The following SH3RF1 variants were observed in gnomAD, a reference collection of about 807,000 sequenced individuals.
SH3RF1 encodes the protein SH3 domain containing ring finger 1, also known as E3 ubiquitin-protein ligase SH3RF1.
A neutral mutation model predicts 74.0 loss-of-function variants in SH3RF1; 32 were observed. That is an observed-to-expected ratio of 0.43 (90% CI 0.33 to 0.58). The LOEUF is 0.58. Among genes scored for constraint, SH3RF1 ranks in the 20% least tolerant of loss-of-function variants. The pLI is 0.05. For missense variants in SH3RF1, 954 were observed against 1,130.9 expected (o/e 0.84, Z 2.24); for synonymous variants, 396 against 439.6 (o/e 0.90, Z 1.24).
chr4:169,266,887 A>T (rs1406068732), intron 2 of SH3RF1, among the ~76,000 whole-genome samples: 1 of 152,178 alleles, frequency 6.6e-6, no homozygotes, highest in African/African-American at 2.4e-5. Flanking sequence ...TTTGTCCTCC[A>T]TCCTCCCCCA....
Position 169,143,643 on chromosome 4 carries a change from A to G in SH3RF1, c.766-7023T>C, listed in dbSNP as rs540889368. Among the ~76,000 whole-genome samples the G allele has an allele frequency of 1.7e-3, 255 of 152,238 alleles. 2 individuals carry two copies. The highest frequency in any genetic ancestry group is 5.9e-3 in the African/African-American group (245 of 41,532). ...GAAGCAGTGCACTGGCAGCAACTAC[A>G]AGGGTTACTCATTTAAGCAGTAGGA... On this transcript the variant is annotated intron_variant, in intron 4 of 11. Coordinates refer to ENST00000284637, the MANE Select transcript of SH3RF1 (RefSeq NM_020870.4).
intron 11 of SH3RF1, among the ~76,000 whole-genome samples, chr4:169,097,616 C>T (rs1415005458): frequency 6.6e-6 from 1 of 152,064 alleles, no homozygotes; most frequent in African/African-American, 2.4e-5. Context: ...TCTATTTTTC[C>T]AGCATTATTT....
chr4:169,263,814 A>G (rs545103877), intron 2 of SH3RF1, among the ~76,000 whole-genome samples: 1 of 152,296 alleles, frequency 6.6e-6, no homozygotes, highest in Admixed American at 6.5e-5. Flanking sequence ...TCCCCTCTCA[A>G]TATTTCCTTC....
chr4:169,101,674 C>CAAAA (rs3070770), intron 11 of SH3RF1, among the ~76,000 whole-genome samples: 1 of 85,766 alleles, frequency 1.2e-5, no homozygotes, highest in Non-Finnish European at 2.6e-5. Flanking sequence ...AAAAAAAAGG[C>CAAAA]AAAAAAAAAA....
chr4:169,232,000 C>T (rs927640043), intron 2 of SH3RF1, among the ~76,000 whole-genome samples: 11 of 152,190 alleles, frequency 7.2e-5, no homozygotes, highest in South Asian at 2.1e-4. Flanking sequence ...GAAGACCTTA[C>T]GGCCTCCACT....
chr4:169,192,874 CATAT>C (rs1172143488), intron 2 of SH3RF1, among the ~76,000 whole-genome samples: 3 of 143,650 alleles, frequency 2.1e-5, no homozygotes, highest in Non-Finnish European at 3.0e-5. Context: ...ATATATATAT[CATAT>C]ATATGTGATA....
chr4:169,122,306 A>C, intron 6 of SH3RF1, 40 bp from the exon 7 acceptor site: 1 of 1,535,988 alleles, frequency 6.5e-7, no homozygotes, highest in Non-Finnish European at 8.8e-7. Flanking sequence ...GAAAAAAGGG[A>C]ACAAAATACT....
At chr4:169,104,947 G>GT (rs1579083825) in intron 11 of SH3RF1, among the ~76,000 whole-genome samples, 2 of 150,610 alleles carry the variant, frequency 1.3e-5, no homozygotes, top group East Asian at 3.9e-4. Flanking sequence ...TGCACTTAAT[G>GT]TAAGTAGGTT....
intron 4 of SH3RF1, among the ~76,000 whole-genome samples, chr4:169,142,966 TGC>T (rs1358181440): frequency 1.3e-5 from 2 of 152,200 alleles, no homozygotes; most frequent in Non-Finnish European, 2.9e-5. Flanking sequence ...TCATTTATAA[TGC>T]AAGACTTACC....
chr4:169,139,027 G>C (rs1733742435), intron 4 of SH3RF1, among the ~76,000 whole-genome samples: 1 of 152,176 alleles, frequency 6.6e-6, no homozygotes, highest in Non-Finnish European at 1.5e-5. Flanking sequence ...TCATTGCTCA[G>C]TGCAGCCTCG....
At chr4:169,198,273 T>C (rs773536025) in intron 2 of SH3RF1, among the ~76,000 whole-genome samples, 4 of 152,208 alleles carry the variant, frequency 2.6e-5, no homozygotes, top group African/African-American at 7.2e-5. Flanking sequence ...ATTCTTAGCA[T>C]ACTGGCACAA....
At chr4:169,108,005 A>G (rs1177316630) in intron 10 of SH3RF1, among the ~76,000 whole-genome samples, 1 of 152,200 alleles carries the variant, frequency 6.6e-6, no homozygotes, top group Non-Finnish European at 1.5e-5. Flanking sequence ...CACAGAAGCC[A>G]TCTCTTGAAT....
chr4:169,146,767 G>A (rs985420764), intron 4 of SH3RF1, among the ~76,000 whole-genome samples: 6 of 152,078 alleles, frequency 3.9e-5, no homozygotes, highest in Non-Finnish European at 7.4e-5. Flanking sequence ...TTTGAGGGGA[G>A]TGTAGTCAAG....
At chr4:169,173,168 G>A (rs942156808) in intron 2 of SH3RF1, among the ~76,000 whole-genome samples, 3 of 151,716 alleles carry the variant, frequency 2.0e-5, no homozygotes, top group South Asian at 2.1e-4. Context: ...ATTTTTCTTC[G>A]CCAACCACAT....
At chr4:169,198,507 T>C (rs1365179682) in intron 2 of SH3RF1, among the ~76,000 whole-genome samples, 1 of 152,166 alleles carries the variant, frequency 6.6e-6, no homozygotes, top group South Asian at 2.1e-4. Context: ...CTAAATATAG[T>C]ATATATGTAT....
At chr4:169,183,758 A>AAC (rs977312021) in intron 2 of SH3RF1, among the ~76,000 whole-genome samples, 19 of 151,178 alleles carry the variant, frequency 1.3e-4, no homozygotes, top group Non-Finnish European at 2.2e-4. Context: ...TTTAAAAAAA[A>AAC]AAAAACAAAA....
chr4:169,199,355 G>A (rs533378011), intron 2 of SH3RF1, among the ~76,000 whole-genome samples: 3 of 152,276 alleles, frequency 2.0e-5, no homozygotes, highest in South Asian at 2.1e-4. Flanking sequence ...ATGTTTGGTT[G>A]GCAGGTGGTT....
At chr4:169,123,868 G>A (rs904212939) in intron 6 of SH3RF1, among the ~76,000 whole-genome samples, 5 of 151,858 alleles carry the variant, frequency 3.3e-5, no homozygotes, top group African/African-American at 7.3e-5. Flanking sequence ...CTCCAACCTG[G>A]GTGACAGAGC....
intron 2 of SH3RF1, among the ~76,000 whole-genome samples, chr4:169,242,988 G>C (rs751254255): frequency 3.3e-5 from 5 of 152,168 alleles, no homozygotes; most frequent in Admixed American, 6.5e-5. Context: ...TAATGCAGGT[G>C]GTCCTTGGAC....
Sources: allele counts gnomAD v4.1 joint callset (sites outside exome capture counted in the v4.1 genomes callset), GRCh38; gene constraint gnomAD v4.1.1; transcripts MANE v1.5; gene names NCBI Gene and HGNC (gene_info 2026-07-23, HGNC 2026-07-21).